Variants in KMT2E observed in about 807,000 individuals in gnomAD.
KMT2E encodes the protein lysine methyltransferase 2E (inactive).
Under a neutral mutation model 184.6 loss-of-function variants are expected in KMT2E, and 30 were observed. That is an observed-to-expected ratio of 0.16 (90% CI 0.12 to 0.22). KMT2E has a LOEUF of 0.22. KMT2E is among the 10% of genes least tolerant of loss of function. The pLI, the probability that KMT2E is intolerant of heterozygous loss-of-function variation, is 1.00. For synonymous variants in KMT2E, 815 were observed against 776.5 expected (o/e 1.05, Z -0.82); for missense variants, 2,023 against 2,237.4 (o/e 0.90, Z 1.93).
intron 6 of KMT2E, among the ~76,000 whole-genome samples, chr7:105,068,630 T>C (rs1584753819): frequency 1.5e-5 from 2 of 134,958 alleles, no homozygotes; most frequent in East Asian, 2.1e-4. Flanking sequence ...TGTGGTTTTT[T>C]TTTTTTTTGT....
At chr7:105,079,369 C>T (rs774303348) in intron 12 of KMT2E, among the ~76,000 whole-genome samples, 1 of 151,632 alleles carries the variant, frequency 6.6e-6, no homozygotes, top group Admixed American at 6.6e-5. Flanking sequence ...CTCCGGACCT[C>T]AGGTGATTTG....
intron 1 of KMT2E, among the ~76,000 whole-genome samples, chr7:105,021,356 A>G (rs186533019): frequency 7.7e-4 from 118 of 152,360 alleles, no homozygotes; most frequent in Non-Finnish European, 1.3e-3. Flanking sequence ...GAATTTGAGT[A>G]GCTATTATTT....
At position 105,080,305 on chromosome 7, in the gene KMT2E, C is replaced by T. The variant is rs1023039874; in HGVS notation, c.1248+1342C>T. 1.9e-4 allele frequency among the ~76,000 whole-genome samples: 28 copies of T among 151,114 alleles called. 1 individual carries two copies. Among genetic ancestry groups the T allele is most frequent in the South Asian group, 1.2e-3 (6 of 4,804 alleles). On this transcript the variant is annotated intron_variant, in intron 12 of 26. Coordinates refer to ENST00000311117, the MANE Select transcript of KMT2E (RefSeq NM_182931.3). ...TATATTTTAGTGTGGAGTAGAAAAT[C>T]GTGTTGGTTTTGTTTTTTACATGTC...
chr7:105,110,749 A>G (rs770254351), intron 25 of KMT2E, 22 bp from the exon 26 acceptor site: 5 of 1,600,892 alleles, frequency 3.1e-6, no homozygotes, highest in Middle Eastern at 1.7e-4. Flanking sequence ...TATACTTACT[A>G]TAGGTTTCTT....
intron 1 of KMT2E, among the ~76,000 whole-genome samples, chr7:105,034,710 A>G (rs1795559858): frequency 6.6e-6 from 1 of 151,896 alleles, no homozygotes; most frequent in Non-Finnish European, 1.5e-5. Flanking sequence ...GATCCTTAAT[A>G]TTGTTCTCCT....
chr7:105,109,080 A>G lies in KMT2E; in HGVS notation c.3607A>G (p.Asn1203Asp), dbSNP rs745683587. 6.2e-7 allele frequency: 1 copy of G among 1,614,182 alleles called. No individual in the cohort carries two copies. Among genetic ancestry groups the G allele is most frequent in the South Asian group, 1.1e-5 (1 of 91,084 alleles). ...CAATGGTGATGGCTGTGCCAGCAGT[A>G]ATGACAATGGGGAGCAGGTGGACCA... ...SNNGDGCASSNDNGEQVDHTA... is the reference protein window; with the variant it reads ...SNNGDGCASSDDNGEQVDHTA... Residue 1203 changes from asparagine (N) to aspartate (D), a missense_variant, in exon 23 of 27, where the codon AAT (asparagine) becomes GAT (aspartate). Transcript: ENST00000311117.
intron 3 of KMT2E, among the ~76,000 whole-genome samples, chr7:105,055,606 C>T (rs551705891): frequency 1.3e-5 from 2 of 152,292 alleles, no homozygotes; most frequent in East Asian, 3.9e-4. Context: ...TTAAGTAGAG[C>T]TGTGAAAAGT....
At position 105,107,584 on chromosome 7, in the gene KMT2E, G is replaced by C. The variant is rs768992735; in HGVS notation, c.3127G>C (p.Ala1043Pro). 4 of 1,614,126 alleles carry C rather than the reference G, an allele frequency of 2.5e-6. No homozygotes were observed. Among genetic ancestry groups the C allele is most frequent in the Non-Finnish European group, 3.4e-6 (4 of 1,180,012 alleles). The change falls in exon 22 of 27, where the codon GCA (alanine) becomes CCA (proline). Residue 1043 changes from alanine to proline, a missense_variant. By Grantham distance (27) the Ala-to-Pro change is conservative (BLOSUM62 -1). Coordinates refer to ENST00000311117, the MANE Select transcript of KMT2E (RefSeq NM_182931.3). ...TALHKTLETP[A>P]HDRAEPNSQL... ...CCTACATAAAACCCTGGAAACGCCT[G>C]CACATGACAGGGCTGAGCCCAACAG...
At position 105,113,103 on chromosome 7, in the gene KMT2E, G is replaced by A. The variant is rs767760256; in HGVS notation, c.5347G>A (p.Gly1783Arg). The A allele has an allele frequency of 2.5e-6, 4 of 1,614,118 alleles. No individual in the cohort carries two copies. In the East Asian group the frequency reaches 8.9e-5, roughly 36 times the overall value. ...PGPQHQPSGTGPHCPLPVTGP... is the reference protein window; with the variant it reads ...PGPQHQPSGTRPHCPLPVTGP... Reference sequence around the variant, plus strand: ...ACCCCAGCACCAGCCTTCTGGAACAGGGCCACATTGTCCATTACCTGTCAC... The same window carrying A: ...ACCCCAGCACCAGCCTTCTGGAACAAGGCCACATTGTCCATTACCTGTCAC... The change falls in exon 27 of 27, where the codon GGG becomes AGG. Residue 1783 changes from glycine (G) to arginine (R), a missense_variant. Transcript: ENST00000311117.
chr7:105,016,828 CTG>C (rs1310622658), intron 1 of KMT2E, among the ~76,000 whole-genome samples: 5 of 152,270 alleles, frequency 3.3e-5, no homozygotes, highest in Non-Finnish European at 5.9e-5. Context: ...CATATGGTGA[CTG>C]TATCAACTAG....
chr7:105,043,025 A>C (rs1474192051), intron 3 of KMT2E, among the ~76,000 whole-genome samples: 1 of 152,194 alleles, frequency 6.6e-6, no homozygotes, highest in African/African-American at 2.4e-5. Flanking sequence ...GCTTCTCATC[A>C]AAACCCACTT....
At chr7:105,083,309 TA>T (rs1225576270) in intron 13 of KMT2E, among the ~76,000 whole-genome samples, 1 of 152,196 alleles carries the variant, frequency 6.6e-6, no homozygotes, top group Non-Finnish European at 1.5e-5. Context: ...TAATGAGCCT[TA>T]AAGGCCATTA....
intron 14 of KMT2E, among the ~76,000 whole-genome samples, chr7:105,090,586 A>G (rs1798160765): frequency 6.6e-6 from 1 of 152,210 alleles, no homozygotes; most frequent in South Asian, 2.1e-4. Context: ...TAAAGTCTTA[A>G]GCTGCAAAAT....
At chr7:105,066,541 C>T (rs750807008) in intron 5 of KMT2E, among the ~76,000 whole-genome samples, 186 bp from the exon 6 acceptor site, 1 of 151,770 alleles carries the variant, frequency 6.6e-6, no homozygotes, top group African/African-American at 2.4e-5. Context: ...TATATTTATC[C>T]TCTTGCTTTT....
At chr7:105,053,266 CTAAG>C (rs1438992410) in intron 3 of KMT2E, among the ~76,000 whole-genome samples, 2 of 151,954 alleles carry the variant, frequency 1.3e-5, no homozygotes, top group African/African-American at 4.8e-5. Context: ...TCTATGTTAT[CTAAG>C]TGATTGTTTA....
chr7:105,043,489 G>A (rs1317293266), intron 3 of KMT2E, among the ~76,000 whole-genome samples: 8 of 152,148 alleles, frequency 5.3e-5, no homozygotes, highest in African/African-American at 1.9e-4. Flanking sequence ...ACCCGCCTCG[G>A]CCTCCCAAAG....
At chr7:105,055,982 G>A (rs1168997748) in intron 3 of KMT2E, among the ~76,000 whole-genome samples, 1 of 151,552 alleles carries the variant, frequency 6.6e-6, no homozygotes, top group Non-Finnish European at 1.5e-5. Flanking sequence ...GTGCTCAAAT[G>A]TTTATTGATT....
intron 3 of KMT2E, among the ~76,000 whole-genome samples, chr7:105,054,506 ATCTATCTATCTGTCTG>A (rs1796493540): frequency 8.5e-6 from 1 of 117,176 alleles, no homozygotes; most frequent in African/African-American, 2.9e-5. Flanking sequence ...CTATCTATCT[ATCTATCTATCTGTCTG>A]TCTGTCTATT....
intron 1 of KMT2E, among the ~76,000 whole-genome samples, chr7:105,029,505 T>G (rs1006376797): frequency 6.6e-6 from 1 of 152,302 alleles, no homozygotes; most frequent in East Asian, 1.9e-4. Flanking sequence ...ACTTAGAAGT[T>G]GATAGTGACA....
Sources: allele counts gnomAD v4.1 joint callset (sites outside exome capture counted in the v4.1 genomes callset), GRCh38; gene constraint gnomAD v4.1.1; transcripts MANE v1.5; gene names NCBI Gene and HGNC (gene_info 2026-07-23, HGNC 2026-07-21).